NALF1: variants seen among roughly 807,000 people sequenced by gnomAD.
NALF1 encodes family with sequence similarity 155 member A.
NALF1 carries 3 observed loss-of-function variants against 48.4 expected under a neutral mutation model. That is an observed-to-expected ratio of 0.06 (90% CI 0.03 to 0.16). NALF1 has a LOEUF of 0.16. NALF1 is among the 10% of genes least tolerant of loss of function. NALF1 has a pLI of 1.00. For missense variants in NALF1, 526 were observed against 571.5 expected (o/e 0.92, Z 0.81); for synonymous variants, 262 against 245.7 (o/e 1.07, Z -0.62).
chr13:107,789,063 T>G (rs1878155906), intron 1 of NALF1: 1 of 152,174 alleles, frequency 6.6e-6, no homozygotes. Flanking sequence ...CTGTGTGACT[T>G]GACCTCTCCC....
At chr13:107,667,296 A>G (rs758459246) in intron 1 of NALF1, among the ~76,000 whole-genome samples, 2 of 152,116 alleles carry the variant, frequency 1.3e-5, no homozygotes, top group South Asian at 4.1e-4. Flanking sequence ...TTAAATGCTG[A>G]TATGTCCTGA....
At chr13:107,645,119 T>C (rs1020976979) in intron 1 of NALF1, among the ~76,000 whole-genome samples, 1 of 152,128 alleles carries the variant, frequency 6.6e-6, no homozygotes, top group Non-Finnish European at 1.5e-5. Context: ...AGCATTTTCA[T>C]TAATGTACCT....
At chr13:107,583,979 C>T (rs181683268) in intron 1 of NALF1, among the ~76,000 whole-genome samples, 1 of 152,194 alleles carries the variant, frequency 6.6e-6, no homozygotes, top group East Asian at 1.9e-4. Context: ...TACCCTTTAT[C>T]TTTCATAAGG....
chr13:107,365,303 C>A (rs550735925), intron 1 of NALF1, among the ~76,000 whole-genome samples: 1 of 152,034 alleles, frequency 6.6e-6, no homozygotes, highest in African/African-American at 2.4e-5. Flanking sequence ...TTAGGGAAAA[C>A]ATGAATGGGT....
Position 107,321,878 on chromosome 13 carries a change from G to A in NALF1, c.916-111123C>T, listed in dbSNP as rs566617994. On this transcript the variant is annotated intron_variant, in intron 1 of 2. Coordinates refer to ENST00000375915, the MANE Select transcript of NALF1 (RefSeq NM_001080396.3). The stretch of plus-strand genomic sequence containing the variant: ...TAAGAATTCCAAAACCTAAAAAAAC[G>A]GTATATATTTCATTTCTGTCACATC... Among the ~76,000 whole-genome samples the A allele has an allele frequency of 5.0e-4, 75 of 148,968 alleles. 1 individual carries two copies. The South Asian group carries it at 0.01, about 20-fold the overall frequency.
At chr13:107,387,329 G>T (rs562766705) in intron 1 of NALF1, among the ~76,000 whole-genome samples, 2 of 152,004 alleles carry the variant, frequency 1.3e-5, no homozygotes, top group Non-Finnish European at 2.9e-5. Flanking sequence ...CAGAGCTTCC[G>T]TCCCAAGTTC....
intron 1 of NALF1, among the ~76,000 whole-genome samples, chr13:107,244,631 G>A (rs1369539533): frequency 1.3e-5 from 2 of 152,204 alleles, no homozygotes; most frequent in South Asian, 2.1e-4. Context: ...TTTAGTCTGA[G>A]TAGTCCTATT....
intron 1 of NALF1, among the ~76,000 whole-genome samples, chr13:107,258,180 C>T (rs1880858896): frequency 6.6e-6 from 1 of 152,110 alleles, no homozygotes; most frequent in African/African-American, 2.4e-5. Flanking sequence ...TTGGTCATCT[C>T]CATACATCTC....
intron 1 of NALF1, among the ~76,000 whole-genome samples, chr13:107,679,510 A>G (rs1384412279): frequency 6.6e-6 from 1 of 152,238 alleles, no homozygotes; most frequent in South Asian, 2.1e-4. Context: ...AAAGCAGCTT[A>G]GAATCATGAT....
At chr13:107,642,168 C>T (rs9520537) in intron 1 of NALF1, among the ~76,000 whole-genome samples, 42,893 of 151,996 alleles carry the variant, frequency 0.28, 6,485 homozygotes, top group East Asian at 0.49. Context: ...AAAGCTGAGA[C>T]GCTCTGCTTC....
At chr13:107,465,926 C>T (rs2139047131) in intron 1 of NALF1, 1 of 152,544 alleles carries the variant, frequency 6.6e-6, no homozygotes, top group East Asian at 1.9e-4. Context: ...GCTCCACTTT[C>T]ATGACTGTAT....
At chr13:107,539,940 A>T (rs933529447) in intron 1 of NALF1, among the ~76,000 whole-genome samples, 1 of 152,120 alleles carries the variant, frequency 6.6e-6, no homozygotes, top group Non-Finnish European at 1.5e-5. Flanking sequence ...GTTCCTAAAG[A>T]TAGCATAACT....
At chr13:107,783,471 T>C (rs996120270) in intron 1 of NALF1, among the ~76,000 whole-genome samples, 42 of 152,180 alleles carry the variant, frequency 2.8e-4, no homozygotes, top group Non-Finnish European at 1.0e-4. Context: ...GCCATGTCTG[T>C]GTAGAAAGAA....
At chr13:107,486,648 A>G (rs2139065522) in intron 1 of NALF1, among the ~76,000 whole-genome samples, 1 of 152,268 alleles carries the variant, frequency 6.6e-6, no homozygotes, top group East Asian at 1.9e-4. Flanking sequence ...CAGAAAATGG[A>G]GGCACACAAG....
At chr13:107,703,657 C>G (rs1203189699) in intron 1 of NALF1, among the ~76,000 whole-genome samples, 1 of 152,116 alleles carries the variant, frequency 6.6e-6, no homozygotes, top group Non-Finnish European at 1.5e-5. Flanking sequence ...AGTGAAGTTA[C>G]CTCAAATCAG....
chr13:107,522,170 C>T (rs1876263808), intron 1 of NALF1, among the ~76,000 whole-genome samples: 1 of 152,156 alleles, frequency 6.6e-6, no homozygotes, highest in Admixed American at 6.5e-5. Flanking sequence ...CTGTTGACCA[C>T]AAAGAAAAAC....
chr13:107,280,313 C>G (rs1881362559), intron 1 of NALF1, among the ~76,000 whole-genome samples: 9 of 152,150 alleles, frequency 5.9e-5, no homozygotes, highest in Admixed American at 5.9e-4. Context: ...GTAGTTTTCT[C>G]TCTTTTTAAA....
At chr13:107,449,018 C>T (rs1156708426) in intron 1 of NALF1, among the ~76,000 whole-genome samples, 7 of 152,000 alleles carry the variant, frequency 4.6e-5, no homozygotes, top group East Asian at 1.9e-4. Flanking sequence ...CCGAGGCGGG[C>T]GGATCAAATG....
chr13:107,646,565 G>C (rs1288818043), intron 1 of NALF1, among the ~76,000 whole-genome samples: 2 of 152,082 alleles, frequency 1.3e-5, no homozygotes, highest in Non-Finnish European at 2.9e-5. Flanking sequence ...AGAGGACCTA[G>C]ATTATTTCCT....
Sources: allele counts gnomAD v4.1 joint callset (sites outside exome capture counted in the v4.1 genomes callset), GRCh38; gene constraint gnomAD v4.1.1; transcripts MANE v1.5; gene names NCBI Gene and HGNC (gene_info 2026-07-23, HGNC 2026-07-21).